Variants in OSBPL9 observed in about 807,000 individuals in gnomAD.
OSBPL9 encodes oxysterol-binding protein-related protein 9.
OSBPL9 carries 40 observed loss-of-function variants against 106.6 expected under a neutral mutation model. The ratio of observed to expected loss-of-function variants is 0.38; its 90% confidence interval spans 0.29 to 0.49. The LOEUF (loss-of-function observed/expected upper bound fraction) is 0.49. OSBPL9 is among the 20% of genes least tolerant of loss of function. The pLI, the probability that OSBPL9 is intolerant of heterozygous loss-of-function variation, is 0.97. For synonymous variants in OSBPL9, 269 were observed against 295.4 expected (o/e 0.91, Z 0.92); for missense variants, 609 against 887.2 (o/e 0.69, Z 3.98).
At chr1:51,571,323 G>C in the OSBPL9 span, among the ~76,000 whole-genome samples, 1 of 152,102 alleles carries the variant, frequency 6.6e-6, no homozygotes, top group South Asian at 2.1e-4. Context: ...CAGGCTCTGT[G>C]GTAAACACTT....
At chr1:51,733,194 C>T (rs992993625) in intron 4 of OSBPL9, among the ~76,000 whole-genome samples, 1 of 152,204 alleles carries the variant, frequency 6.6e-6, no homozygotes, top group Non-Finnish European at 1.5e-5. Flanking sequence ...ATATGTGATT[C>T]TTGCATTAAA....
intron 8 of OSBPL9, among the ~76,000 whole-genome samples, chr1:51,754,225 G>C (rs79825202): frequency 6.6e-6 from 1 of 152,222 alleles, no homozygotes; most frequent in Admixed American, 6.5e-5. Context: ...GCATGTGCCA[G>C]GGGGTTGACT....
intron 4 of OSBPL9, among the ~76,000 whole-genome samples, chr1:51,741,448 C>CTTCCTTCTTTCCTTCCTTCCTCCT (rs1666884633): frequency 6.8e-6 from 1 of 147,902 alleles, no homozygotes; most frequent in Non-Finnish European, 1.5e-5. Flanking sequence ...CTCTCTCTCC[C>CTTCCTTCTTTCCTTCCTTCCTCCT]TTCCTTCTTT....
At chr1:51,679,311 TTAA>T (rs1465800189) in intron 3 of OSBPL9, among the ~76,000 whole-genome samples, 1 of 152,244 alleles carries the variant, frequency 6.6e-6, no homozygotes, top group African/African-American at 2.4e-5. Flanking sequence ...TTATTTTTTG[TTAA>T]TAATTTTATT....
At chr1:51,721,927 T>C (rs1662204126) in intron 4 of OSBPL9, among the ~76,000 whole-genome samples, 1 of 152,236 alleles carries the variant, frequency 6.6e-6, no homozygotes, top group Non-Finnish European at 1.5e-5. Context: ...TTGGTAAATA[T>C]TTTTTAAGCA....
chr1:51,634,683 T>C (rs1167048688), intron 1 of OSBPL9, among the ~76,000 whole-genome samples: 1 of 152,104 alleles, frequency 6.6e-6, no homozygotes, highest in Admixed American at 6.6e-5. Flanking sequence ...CTGCAGTGTA[T>C]GAGAGTGAGA....
intron 9 of OSBPL9, among the ~76,000 whole-genome samples, chr1:51,758,052 A>G (rs1022413985): frequency 6.6e-6 from 1 of 152,022 alleles, no homozygotes; most frequent in Non-Finnish European, 1.5e-5. Flanking sequence ...GTAATGTGAC[A>G]TATTTGAGCC....
intron 1 of OSBPL9, among the ~76,000 whole-genome samples, chr1:51,580,827 A>G (rs1645215801): frequency 7.0e-6 from 1 of 141,912 alleles, no homozygotes; most frequent in African/African-American, 2.6e-5. Context: ...AAAAACATCC[A>G]TGATACCTAC....
chr1:51,695,665 G>A (rs763646814), intron 3 of OSBPL9, among the ~76,000 whole-genome samples: 29 of 152,142 alleles, frequency 1.9e-4, no homozygotes, highest in Non-Finnish European at 8.8e-5. Context: ...GGTGTCTGAA[G>A]CCTAGAGATT....
rs1402952413 is a variant in OSBPL9, at chr1:51,748,465, T to C, written c.492+67T>C. 2.2e-6 allele frequency: 3 copies of C among 1,389,764 alleles called. No homozygotes were observed. In the African/African-American group the frequency reaches 4.5e-5, roughly 21 times the overall value. The allele number at this position is 1,389,764 out of a possible 1,614,324, so 86.1% of individuals were successfully genotyped here. A position where few individuals can be genotyped will look rare whatever the true frequency, so the allele number is the denominator to read the frequency against. ...ATGTTTTAAAAAGTTATTTCTATTT[T>C]AAGCTGCCACTATTGATGACAGCAA... On this transcript the variant is annotated intron_variant, in intron 7 of 23. Transcript: ENST00000428468.
intron 3 of OSBPL9, among the ~76,000 whole-genome samples, chr1:51,674,000 C>G (rs970257454): frequency 2.0e-5 from 3 of 150,468 alleles, no homozygotes; most frequent in Non-Finnish European, 3.0e-5. Flanking sequence ...TGGATGTTGT[C>G]AACTCCTTCC....
chr1:51,598,605 T>G (rs1645313772), intron 2 of OSBPL9, among the ~76,000 whole-genome samples: 1 of 151,406 alleles, frequency 6.6e-6, no homozygotes, highest in African/African-American at 2.4e-5. Flanking sequence ...TCTCTCCTGG[T>G]GTGTGTGTGT....
At chr1:51,658,945 A>G (rs946271089) in intron 2 of OSBPL9, among the ~76,000 whole-genome samples, 2 of 152,062 alleles carry the variant, frequency 1.3e-5, no homozygotes, top group Admixed American at 6.5e-5. Flanking sequence ...TCTCTTCTCT[A>G]TGAATTTAAT....
intron 4 of OSBPL9, among the ~76,000 whole-genome samples, chr1:51,718,018 A>G (rs2148902869): frequency 6.6e-6 from 1 of 152,364 alleles, no homozygotes; most frequent in Non-Finnish European, 1.5e-5. Context: ...ATGGAATACT[A>G]TTCAGCTGTG....
intron 1 of OSBPL9, among the ~76,000 whole-genome samples, chr1:51,637,148 C>T (rs1645500658): frequency 6.6e-6 from 1 of 152,222 alleles, no homozygotes; most frequent in Admixed American, 6.5e-5. Flanking sequence ...ATCTGTGAGT[C>T]TGTGGACAAG....
intron 9 of OSBPL9, chr1:51,759,508 C>G (rs1671054367): frequency 6.6e-6 from 1 of 152,046 alleles, no homozygotes; most frequent in African/African-American, 2.4e-5. Context: ...CCTTATATTT[C>G]TGTTTTAGTA....
In OSBPL9 at chr1:51,760,696, A is replaced by G. The variant is rs754589921; in HGVS notation, c.589A>G (p.Ile197Val). 1.5e-5 allele frequency: 24 copies of G among 1,613,698 alleles called. No individual in the cohort carries two copies. In the African/African-American group the frequency reaches 2.7e-4, roughly 18 times the overall value. ...TTGTGTTTCTTTATTTTAGAGTACT[A>G]TTAATCCCGTAGATGCAATATATCA... ...EKHADGMIST[I>V]NPVDAIYQPS... Residue 197 changes from isoleucine to valine, a missense_variant, in exon 10 of 24, where the codon ATT (isoleucine) becomes GTT (valine). By Grantham distance (29) the Ile-to-Val change is conservative. Transcript: ENST00000428468.
intron 3 of OSBPL9, among the ~76,000 whole-genome samples, chr1:51,694,414 CCT>C (rs1655607454): frequency 1.3e-5 from 2 of 152,228 alleles, no homozygotes; most frequent in South Asian, 4.1e-4. Flanking sequence ...GAAAATGTAG[CCT>C]CAACAGATAC....
Position 51,735,995 on chromosome 1 carries a change from T to C in OSBPL9, c.319-9541T>C, listed in dbSNP as rs562687584. 1.9e-4 allele frequency among the ~76,000 whole-genome samples: 29 copies of C among 152,340 alleles called. No homozygotes were observed. The South Asian group carries it at 2.9e-3, about 15-fold the overall frequency. ...AACTCTATGAGTTATTTATGATTTT[T>C]CCACGAATATTCTGATTTATAATCT... On this transcript the variant is annotated intron_variant, in intron 4 of 23. Coordinates refer to ENST00000428468, the MANE Select transcript of OSBPL9 (RefSeq NM_024586.6).
Sources: allele counts gnomAD v4.1 joint callset (sites outside exome capture counted in the v4.1 genomes callset), GRCh38; gene constraint gnomAD v4.1.1; transcripts MANE v1.5; gene names NCBI Gene and HGNC (gene_info 2026-07-23, HGNC 2026-07-21).